Variants in CNTN4 observed in about 807,000 individuals in gnomAD.
CNTN4 encodes contactin 4.
CNTN4 carries 77 observed loss-of-function variants against 122.5 expected under a neutral mutation model. The ratio of observed to expected loss-of-function variants is 0.63; its 90% CI spans 0.52 to 0.76. The LOEUF is 0.76. Ranked by LOEUF, CNTN4 falls within the 30% of genes least tolerant of loss-of-function variation. The pLI is 0.00. For synonymous variants in CNTN4, 512 were observed against 447.0 expected, an observed-to-expected ratio of 1.15 and a Z score of -1.83; for missense variants, 1,256 against 1,259.1, an observed-to-expected ratio of 1.00 and a Z score of 0.04.
intron 15 of CNTN4, among the ~76,000 whole-genome samples, chr3:3,028,256 C>T (rs374108083): frequency 4.6e-5 from 7 of 152,164 alleles, no homozygotes; most frequent in African/African-American, 1.4e-4. Context: ...CAACAGACTG[C>T]GGTGGTGGAA....
chr3:2,376,193 T>A (rs1298380611), intron 3 of CNTN4, among the ~76,000 whole-genome samples: 1 of 152,216 alleles, frequency 6.6e-6, no homozygotes, highest in Admixed American at 6.5e-5. Context: ...AAGACACCCA[T>A]AATCCATGTA....
At chr3:2,706,619 C>T (rs982507532) in intron 4 of CNTN4, among the ~76,000 whole-genome samples, 11 of 152,148 alleles carry the variant, frequency 7.2e-5, no homozygotes, top group African/African-American at 2.4e-4. Context: ...GTTTGTTTCT[C>T]GGGTGAGCTA....
chr3:2,887,154 T>C lies in CNTN4; in HGVS notation c.870T>C (p.Ala290=). 12 of 1,614,108 alleles carry C rather than the reference T, an allele frequency of 7.4e-6. No homozygotes were observed. Among genetic ancestry groups the C allele is most frequent in the African/African-American group, 1.3e-5 (1 of 75,062 alleles). ...TCCCTAATTTTCAGCAGGAGGATGC[T>C]GGTTTATATGAATGTGTAGCTGAAA... is the stretch of plus-strand genomic sequence containing the variant. The part of the protein sequence containing the change: ...LEIPNFQQED[A]GLYECVAENS... The change falls in exon 10 of 25, where the codon GCT becomes GCC. Residue 290 remains alanine, a synonymous_variant. Coordinates refer to ENST00000418658, the MANE Select transcript of CNTN4 (RefSeq NM_175607.3).
intron 6 of CNTN4, among the ~76,000 whole-genome samples, chr3:2,774,392 C>A (rs1185917594): frequency 6.6e-6 from 1 of 152,180 alleles, no homozygotes; most frequent in African/African-American, 2.4e-5. Flanking sequence ...TTCCTTCTCT[C>A]TTCCACGTCA....
At chr3:3,014,481 A>G (rs530068109) in intron 14 of CNTN4, among the ~76,000 whole-genome samples, 23 of 152,264 alleles carry the variant, frequency 1.5e-4, no homozygotes, top group African/African-American at 5.1e-4. Flanking sequence ...AAGGGTTTCT[A>G]TTTTAATATC....
At chr3:2,485,641 T>A (rs1394359385) in intron 3 of CNTN4, among the ~76,000 whole-genome samples, 1 of 151,860 alleles carries the variant, frequency 6.6e-6, no homozygotes, top group African/African-American at 2.4e-5. Flanking sequence ...TGGAGAATCT[T>A]TGTCTAGCTA....
intron 3 of CNTN4, among the ~76,000 whole-genome samples, chr3:2,561,170 C>G (rs1236908114): frequency 6.6e-6 from 1 of 152,104 alleles, no homozygotes; most frequent in African/African-American, 2.4e-5. Flanking sequence ...TTTGTGCTTA[C>G]CTTTAGCTCT....
At chr3:2,268,674 C>G (rs535215078) in intron 2 of CNTN4, among the ~76,000 whole-genome samples, 2 of 152,208 alleles carry the variant, frequency 1.3e-5, no homozygotes, top group African/African-American at 4.8e-5. Context: ...TATGTATCAT[C>G]TATTTATCTG....
chr3:2,876,993 G>A (rs909850775), intron 8 of CNTN4, among the ~76,000 whole-genome samples: 1 of 151,982 alleles, frequency 6.6e-6, no homozygotes, highest in Admixed American at 6.6e-5. Flanking sequence ...AAATTCATAG[G>A]CTGCATCTCA....
At chr3:2,881,863 C>A (rs1577140296) in intron 8 of CNTN4, among the ~76,000 whole-genome samples, 1 of 152,338 alleles carries the variant, frequency 6.6e-6, no homozygotes, top group East Asian at 1.9e-4. Flanking sequence ...TTCTAAGGTT[C>A]AGTCTCTTTT....
intron 3 of CNTN4, among the ~76,000 whole-genome samples, chr3:2,474,612 G>A (rs1575714030): frequency 6.6e-6 from 1 of 152,250 alleles, no homozygotes; most frequent in East Asian, 1.9e-4. Flanking sequence ...AATAGGAAAT[G>A]TAAGGAAAAA....
At chr3:2,922,463 T>C (rs1355354972) in intron 12 of CNTN4, among the ~76,000 whole-genome samples, 1 of 152,120 alleles carries the variant, frequency 6.6e-6, no homozygotes, top group East Asian at 1.9e-4. Flanking sequence ...AATCCATTAA[T>C]AGCTCAAGTA....
At chr3:2,437,531 C>G (rs1243399406) in intron 3 of CNTN4, among the ~76,000 whole-genome samples, 1 of 152,072 alleles carries the variant, frequency 6.6e-6, no homozygotes, top group African/African-American at 2.4e-5. Context: ...AGAAAACTAG[C>G]TACTTAAAAG....
At chr3:2,965,356 G>A (rs1052161404) in intron 13 of CNTN4, among the ~76,000 whole-genome samples, 11 of 152,216 alleles carry the variant, frequency 7.2e-5, no homozygotes, top group African/African-American at 1.7e-4. Context: ...GTCTGGCAGT[G>A]TCTAGAAGCA....
chr3:2,789,484 G>A (rs963520523), intron 6 of CNTN4, among the ~76,000 whole-genome samples: 1 of 152,238 alleles, frequency 6.6e-6, no homozygotes, highest in Non-Finnish European at 1.5e-5. Flanking sequence ...CCAGGCTGGA[G>A]TGCAGTGGCG....
At chr3:2,225,160 C>T (rs1044537032) in intron 2 of CNTN4, among the ~76,000 whole-genome samples, 2 of 149,142 alleles carry the variant, frequency 1.3e-5, no homozygotes, top group Non-Finnish European at 3.0e-5. Context: ...CCACCACCCC[C>T]AAAAAAAAAG....
chr3:2,239,115 T>C (rs981387210), intron 2 of CNTN4: 8 of 152,132 alleles, frequency 5.3e-5, no homozygotes, highest in Non-Finnish European at 1.2e-4. Flanking sequence ...TTCTCTGTTT[T>C]AATAACTTTT....
intron 13 of CNTN4, among the ~76,000 whole-genome samples, chr3:2,942,879 T>C (rs1175159479): frequency 6.6e-6 from 1 of 152,150 alleles, no homozygotes; most frequent in African/African-American, 2.4e-5. Context: ...ATCAAGGGAC[T>C]AGGGTTTCAG....
At chr3:2,211,513 G>A (rs1553602605) in intron 2 of CNTN4, among the ~76,000 whole-genome samples, 1 of 152,052 alleles carries the variant, frequency 6.6e-6, no homozygotes, top group Non-Finnish European at 1.5e-5. Context: ...AGAAAACTAT[G>A]TGTACGTTTT....
Sources: gnomAD v4.1 joint callset for allele counts (sites outside exome capture counted in the v4.1 genomes callset) on GRCh38, gnomAD v4.1.1 for gene constraint, MANE v1.5 for transcripts, NCBI Gene and HGNC (gene_info 2026-07-23, HGNC 2026-07-21) for gene names.